Variants in CAMK2D observed in about 807,000 individuals in gnomAD.
CAMK2D encodes calcium/calmodulin-dependent protein kinase type II subunit delta.
In CAMK2D, 37 loss-of-function variants were observed where a neutral mutation model predicts 84.0. That is an observed-to-expected ratio of 0.44 (90% CI 0.34 to 0.58). CAMK2D has a LOEUF of 0.58. Among genes scored for constraint, CAMK2D ranks in the 20% least tolerant of loss-of-function variants. CAMK2D has a pLI of 0.02. For missense variants in CAMK2D, 448 were observed against 652.5 expected (o/e 0.69, Z 3.41); for synonymous variants, 202 against 212.5 (o/e 0.95, Z 0.43).
chr4:113,660,601 G>A (rs1561663772), intron 3 of CAMK2D, among the ~76,000 whole-genome samples: 1 of 151,928 alleles, frequency 6.6e-6, no homozygotes, highest in Non-Finnish European at 1.5e-5. Context: ...ATATTGCCCA[G>A]GCTGGTCTCA....
At chr4:113,663,655 T>C (rs13107662) in intron 2 of CAMK2D, among the ~76,000 whole-genome samples, 41,219 of 149,910 alleles carry the variant, frequency 0.27, 6,532 homozygotes, top group South Asian at 0.4. Flanking sequence ...AAACAGAGAT[T>C]TGAATTTTGT....
intron 2 of CAMK2D, among the ~76,000 whole-genome samples, chr4:113,662,880 C>G (rs17593212): frequency 0.17 from 25,504 of 152,098 alleles, 3,384 homozygotes; most frequent in African/African-American, 0.35. Flanking sequence ...GAAAACCACT[C>G]GTCTGTGCTA....
At chr4:113,695,265 C>CAGTT (rs70961843) in intron 2 of CAMK2D, among the ~76,000 whole-genome samples, 105,664 of 151,514 alleles carry the variant, frequency 0.7, 37,357 homozygotes, top group African/African-American at 0.8. Context: ...AAAGGAATGA[C>CAGTT]AGAAGAAATT....
chr4:113,651,552 C>T lies in CAMK2D; in HGVS notation c.220+10161G>A, dbSNP rs914596809. On this transcript the variant is annotated intron_variant, in intron 3 of 20. Coordinates refer to ENST00000511664, the MANE Select transcript of CAMK2D (RefSeq NM_001321571.2). ...CTAAATTGGTATTCCTCTGTATACT[C>T]TAAGTAAGTTATAAGCAATGATTGT... Among the ~76,000 whole-genome samples, 4 of 152,162 alleles carry T rather than the reference C, an allele frequency of 2.6e-5. No individual in the cohort carries two copies. In the South Asian group the frequency reaches 6.2e-4, roughly 24 times the overall value.
At chr4:113,709,678 T>A (rs2154353641) in intron 2 of CAMK2D, among the ~76,000 whole-genome samples, 1 of 143,494 alleles carries the variant, frequency 7.0e-6, no homozygotes, top group Non-Finnish European at 1.5e-5. Context: ...TAAACAATAT[T>A]CCAATCTGCT....
chr4:113,526,413 GA>G (rs956123702), intron 8 of CAMK2D, among the ~76,000 whole-genome samples: 19 of 22,810 alleles, frequency 8.3e-4, no homozygotes, highest in Non-Finnish European at 1.1e-3. Context: ...AGTCATTCTT[GA>G]TGTGTGTGTG....
chr4:113,699,893 A>C (rs970338051), intron 2 of CAMK2D, among the ~76,000 whole-genome samples: 1 of 152,166 alleles, frequency 6.6e-6, no homozygotes, highest in Non-Finnish European at 1.5e-5. Flanking sequence ...TGATAATACA[A>C]ATGTTCCTTA....
chr4:113,608,882 A>T (rs994909620), intron 4 of CAMK2D, among the ~76,000 whole-genome samples: 3 of 152,206 alleles, frequency 2.0e-5, no homozygotes, highest in Non-Finnish European at 4.4e-5. Flanking sequence ...GGTAGAATTG[A>T]GAACCACTCA....
At chr4:113,495,158 C>T (rs2097911608) in intron 16 of CAMK2D, among the ~76,000 whole-genome samples, 1 of 152,126 alleles carries the variant, frequency 6.6e-6, no homozygotes, top group African/African-American at 2.4e-5. Context: ...GCCATCTTGG[C>T]TCCTCCCCCC....
intron 16 of CAMK2D, among the ~76,000 whole-genome samples, chr4:113,475,336 TAACA>T (rs1044997222): frequency 7.9e-4 from 17 of 21,578 alleles, no homozygotes; most frequent in African/African-American, 4.1e-3. Flanking sequence ...TTTGAATAAC[TAACA>T]AACAAACAAA....
intron 16 of CAMK2D, among the ~76,000 whole-genome samples, chr4:113,471,391 C>T (rs750121175): frequency 2.0e-5 from 3 of 152,116 alleles, no homozygotes; most frequent in Non-Finnish European, 4.4e-5. Flanking sequence ...TTAAATCTTT[C>T]TAGGCTCCAT....
chr4:113,626,955 T>C (rs529851717), intron 3 of CAMK2D, among the ~76,000 whole-genome samples: 7 of 152,326 alleles, frequency 4.6e-5, no homozygotes, highest in Admixed American at 1.3e-4. Context: ...TTCAACATTT[T>C]ACTTAGGTTC....
In CAMK2D at chr4:113,756,176, TA is replaced by T. The variant is rs1384805575; in HGVS notation, c.160+3143del. ...CTGAAACTGTCTGCTGGAAATCCAT[TA>T]AAATCTAGGCACAGAAAAATGCCTG... On this transcript the variant is annotated intron_variant, in intron 2 of 20. Coordinates refer to ENST00000511664, the MANE Select transcript of CAMK2D (RefSeq NM_001321571.2). Among the ~76,000 whole-genome samples, 13 of 152,078 alleles carry T rather than the reference TA, an allele frequency of 8.5e-5. 1 individual carries two copies. Among genetic ancestry groups the T allele is most frequent in the Admixed American group, 3.9e-4 (6 of 15,280 alleles).
chr4:113,487,729 T>C (rs546796671), intron 16 of CAMK2D, among the ~76,000 whole-genome samples: 1 of 152,168 alleles, frequency 6.6e-6, no homozygotes, highest in South Asian at 2.1e-4. Flanking sequence ...TTTAATAAGA[T>C]TTCCTAAAAC....
At chr4:113,636,850 G>A (rs147449420) in intron 3 of CAMK2D, among the ~76,000 whole-genome samples, 29 of 152,224 alleles carry the variant, frequency 1.9e-4, no homozygotes, top group Admixed American at 3.9e-4. Flanking sequence ...GGGGAGGTGG[G>A]CACAAACATT....
intron 18 of CAMK2D, among the ~76,000 whole-genome samples, chr4:113,458,743 C>T (rs1169979174): frequency 1.3e-5 from 2 of 152,178 alleles, no homozygotes; most frequent in East Asian, 3.8e-4. Context: ...ACTCATCCAA[C>T]ACATCTTAAT....
chr4:113,748,769 G>A (rs1052114001), intron 2 of CAMK2D, among the ~76,000 whole-genome samples: 10 of 151,918 alleles, frequency 6.6e-5, no homozygotes, highest in Admixed American at 6.6e-4. Context: ...TGGGGGAAAT[G>A]AACTACAAAT....
intron 2 of CAMK2D, among the ~76,000 whole-genome samples, chr4:113,724,822 A>G (rs1482200049): frequency 2.0e-5 from 3 of 151,992 alleles, no homozygotes; most frequent in African/African-American, 4.8e-5. Context: ...TAGCACATAC[A>G]TTTAACACTA....
intron 2 of CAMK2D, among the ~76,000 whole-genome samples, chr4:113,692,215 T>C (rs2099389008): frequency 6.6e-6 from 1 of 152,106 alleles, no homozygotes; most frequent in Non-Finnish European, 1.5e-5. Flanking sequence ...CACCAATTCA[T>C]CCCTACCTAA....
Sources: gnomAD v4.1 joint callset for allele counts (sites outside exome capture counted in the v4.1 genomes callset) on GRCh38, gnomAD v4.1.1 for gene constraint, MANE v1.5 for transcripts, NCBI Gene and HGNC (gene_info 2026-07-23, HGNC 2026-07-21) for gene names.